VWF: variants seen among roughly 807,000 people sequenced by gnomAD.
The protein encoded by VWF is von Willebrand factor.
VWF carries 176 observed loss-of-function variants against 308.6 expected under a neutral mutation model. The ratio of observed to expected loss-of-function variants is 0.57; its 90% CI spans 0.50 to 0.65. The LOEUF is 0.65. VWF is among the 30% of genes least tolerant of loss of function. VWF has a pLI of 0.00. For missense variants in VWF, 3,146 were observed against 3,648.2 expected, an observed-to-expected ratio of 0.86 and a Z score of 3.55; for synonymous variants, 1,385 against 1,443.4, an observed-to-expected ratio of 0.96 and a Z score of 0.92.
chr12:6,111,174 G>A (rs545318736), intron 3 of VWF, among the ~76,000 whole-genome samples: 1 of 152,016 alleles, frequency 6.6e-6, no homozygotes, highest in Non-Finnish European at 1.5e-5. Context: ...GTGACTTCTG[G>A]ATACATTGCC....
At chr12:6,057,488 T>TATTATTATTATC (rs1227836321) in intron 14 of VWF, among the ~76,000 whole-genome samples, 1 of 113,850 alleles carries the variant, frequency 8.8e-6, no homozygotes, top group Non-Finnish European at 1.9e-5. Flanking sequence ...AATTTATTAT[T>TATTATTATTATC]ATTATTATTA....
chr12:5,970,873 CCTT>C (rs1943464849), intron 44 of VWF, among the ~76,000 whole-genome samples: 1 of 152,366 alleles, frequency 6.6e-6, no homozygotes, highest in African/African-American at 2.4e-5. Context: ...CCCACCTTAT[CCTT>C]CTGACCAGAC....
In VWF at chr12:6,046,488, C is replaced by G. The variant is rs909258719; in HGVS notation, c.2281+235G>C. Among the ~76,000 whole-genome samples, 2 of 152,246 alleles carry G rather than the reference C, an allele frequency of 1.3e-5. No individual in the cohort carries two copies. Among genetic ancestry groups the G allele is most frequent in the African/African-American group, 4.8e-5 (2 of 41,468 alleles). ...ATTTATCTGCAGGTCTTTCCCCTTA[C>G]ACGAAATCAAATACTCCTTGCCTCA... On this transcript the variant is annotated intron_variant, in intron 17 of 51. Transcript: ENST00000261405. This position sits in a 1 kb window ranked among gnomAD's most constrained non-coding sequence, Gnocchi z 5.0.
chr12:6,088,396 G>A (rs1223233388), intron 6 of VWF, among the ~76,000 whole-genome samples: 5 of 151,620 alleles, frequency 3.3e-5, no homozygotes, highest in African/African-American at 1.2e-4. Flanking sequence ...GGAGAATGGC[G>A]TGAACCCGGG....
chr12:6,084,286 G>A (rs1036575460), intron 6 of VWF, among the ~76,000 whole-genome samples: 9 of 152,214 alleles, frequency 5.9e-5, no homozygotes, highest in African/African-American at 2.2e-4. Flanking sequence ...CAAAACAAGG[G>A]CCAGCTAATT....
intron 42 of VWF, among the ~76,000 whole-genome samples, chr12:5,980,116 AAGGAAGGAAGGAAGG>A: frequency 8.0e-6 from 1 of 125,634 alleles, no homozygotes; most frequent in Admixed American, 8.2e-5. Context: ...GGAAGGAAGG[AAGGAAGGAAGGAAGG>A]AAGGAAGAAA....
rs185989234 is a variant in VWF, at chr12:6,045,319, G to A, written c.2282-868C>T. Among the ~76,000 whole-genome samples, 207 of 152,322 alleles carry A rather than the reference G, an allele frequency of 1.4e-3. 2 individuals are homozygous for A. Among genetic ancestry groups the A allele is most frequent in the Non-Finnish European group, 1.8e-3 (120 of 68,040 alleles). ...AAAATTTCTAGCCTTATTTTTATATGGAAACTCTTGTTAGAAAACTGAAAC... is the reference window on the plus strand; with the variant it reads ...AAAATTTCTAGCCTTATTTTTATATAGAAACTCTTGTTAGAAAACTGAAAC... On this transcript the variant is annotated intron_variant, in intron 17 of 51. Transcript: ENST00000261405.
chr12:6,013,560 G>T lies in VWF; in HGVS notation c.5541C>A (p.Asn1847Lys), dbSNP rs146540001. 3 of 1,614,060 alleles carry T rather than the reference G, an allele frequency of 1.9e-6. No homozygotes were observed. The highest frequency in any genetic ancestry group is 2.5e-6 in the Non-Finnish European group (3 of 1,179,976). ...CTTCGATTCGCTGGAGCTTCACCAC[G>T]TTGGAGTCGCCTGCTGGGCCTGCCA... ...RILAGPAGDS[N>K]VVKLQRIEDL... The change falls in exon 32 of 52, where the codon AAC becomes AAA. Residue 1847 changes from asparagine to lysine, a missense_variant. Transcript: ENST00000261405.
intron 42 of VWF, among the ~76,000 whole-genome samples, chr12:5,980,279 G>T (rs577294524): frequency 5.1e-4 from 76 of 148,926 alleles, no homozygotes; most frequent in African/African-American, 1.7e-3. Flanking sequence ...GAGGAGGACA[G>T]CTGGACATTA....
At chr12:6,105,468 T>A in intron 5 of VWF, among the ~76,000 whole-genome samples, 1 of 152,118 alleles carries the variant, frequency 6.6e-6, no homozygotes, top group East Asian at 1.9e-4. Flanking sequence ...CCTCAAATGA[T>A]CCATCCACCT....
chr12:5,963,164 A>T (rs1222215048), intron 47 of VWF, among the ~76,000 whole-genome samples: 1 of 152,246 alleles, frequency 6.6e-6, no homozygotes, highest in Non-Finnish European at 1.5e-5. Context: ...TCTTCAAAAG[A>T]CACAATTAAG....
At position 5,962,761 on chromosome 12, in the gene VWF, C is replaced by T. The variant is rs371468884; in HGVS notation, c.7887+4725G>A. On this transcript the variant is annotated intron_variant, in intron 47 of 51. Transcript: ENST00000261405. ...AGAAGGGGTTTCACCATGTTAGCCA[C>T]GATGGTCTTGATCTCTTGACCTGGT... Among the ~76,000 whole-genome samples, 10 of 152,084 alleles carry T rather than the reference C, an allele frequency of 6.6e-5. No homozygotes were observed. The South Asian group carries it at 1.2e-3, about 19-fold the overall frequency.
In VWF at chr12:6,013,495, T is replaced by G. The variant is rs780146973; in HGVS notation, c.5606A>C (p.His1869Pro). 1.2e-6 allele frequency: 2 copies of G among 1,614,166 alleles called. No homozygotes were observed. The highest frequency in any genetic ancestry group is 1.7e-6 in the Non-Finnish European group (2 of 1,180,020). Residue 1869 changes from histidine (H) to proline (P), a missense_variant, in exon 32 of 52, where the codon CAC becomes CCC. By Grantham distance (77) the His-to-Pro change is moderately conservative. This residue lies in a region of VWF where 853 missense variants were observed against 1,177.8 expected (regional missense o/e 0.72). Coordinates refer to ENST00000261405, the MANE Select transcript of VWF (RefSeq NM_000552.5). ...TMVTLGNSFL[H>P]KLCSGFVRIC... is the part of the protein sequence containing the mutation. ...ATAAGACTCACCAGAGCACAGTTTG[T>G]GGAGGAAGGAATTGCCCAAGGTGAC...
chr12:6,070,148 T>C (rs1420338364), intron 10 of VWF, among the ~76,000 whole-genome samples: 3 of 152,242 alleles, frequency 2.0e-5, no homozygotes, highest in African/African-American at 7.2e-5. Context: ...TTGGACATGG[T>C]GTAATTACGT....
At position 6,051,815 on chromosome 12, in the gene VWF, T is replaced by C. The variant is rs186474038; in HGVS notation, c.2186+728A>G. Reference sequence around the variant, plus strand: ...TATTTAGGGACAGGGCCTCACTATGTTGCCCAGGCTGCTCTCAAACTCCCA... The same window carrying C: ...TATTTAGGGACAGGGCCTCACTATGCTGCCCAGGCTGCTCTCAAACTCCCA... On this transcript the variant is annotated intron_variant, in intron 16 of 51. Coordinates refer to ENST00000261405, the MANE Select transcript of VWF (RefSeq NM_000552.5). 5.9e-5 allele frequency among the ~76,000 whole-genome samples: 9 copies of C among 152,222 alleles called. No homozygotes were observed. In the East Asian group the frequency reaches 1.7e-3, roughly 29 times the overall value.
intron 16 of VWF, among the ~76,000 whole-genome samples, chr12:6,049,079 G>C (rs1398211152): frequency 6.6e-6 from 1 of 152,146 alleles, no homozygotes; most frequent in Non-Finnish European, 1.5e-5. Flanking sequence ...GGATGACCAA[G>C]CACGCGGTCT....
At chr12:6,051,079 G>A (rs1337744587) in intron 16 of VWF, among the ~76,000 whole-genome samples, 1 of 151,896 alleles carries the variant, frequency 6.6e-6, no homozygotes, top group East Asian at 1.9e-4. Flanking sequence ...AATACATACT[G>A]AAGTGTTTGC....
intron 16 of VWF, among the ~76,000 whole-genome samples, chr12:6,048,445 C>T (rs1224145582): frequency 2.6e-5 from 4 of 151,906 alleles, no homozygotes; most frequent in East Asian, 1.9e-4. Context: ...GGATTACAGG[C>T]GTGAGCCAAC....
Position 6,121,235 on chromosome 12 carries a change from A to C in VWF, c.159T>G (p.Phe53Leu). 6.2e-7 allele frequency: 1 copy of C among 1,614,206 alleles called. No individual in the cohort carries two copies. The highest frequency in any genetic ancestry group is 8.5e-7 in the Non-Finnish European group (1 of 1,180,036). The change falls in exon 3 of 52, where the codon TTT becomes TTG. Residue 53 changes from phenylalanine (F) to leucine (L), a missense_variant. Coordinates refer to ENST00000261405, the MANE Select transcript of VWF (RefSeq NM_000552.5). ...VNTFDGSMYS[F>L]AGYCSYLLAG... ...CCAGGAGGTAACTGCAGTATCCCGC[A>C]AAGCTGTACATGCTCCCATCAAAGG...
Sources: allele counts gnomAD v4.1 joint callset (sites outside exome capture counted in the v4.1 genomes callset), GRCh38; gene constraint gnomAD v4.1.1; regional missense constraint gnomAD v4.1.1; non-coding constraint Gnocchi (gnomAD v3.1); transcripts MANE v1.5; gene names NCBI Gene and HGNC (gene_info 2026-07-23, HGNC 2026-07-21).